Variants in GNAI2 observed in about 807,000 individuals in gnomAD.
GNAI2 encodes G protein subunit alpha i2.
In GNAI2, 4 loss-of-function variants were observed where a neutral mutation model predicts 36.8. That is an observed-to-expected ratio of 0.11 (90% CI 0.05 to 0.25). The LOEUF is 0.25. Among genes scored for constraint, GNAI2 ranks in the 10% least tolerant of loss-of-function variants. The probability of loss-of-function intolerance (pLI) is 1.00; values close to 1 mark genes in which losing one functional copy is unlikely to be tolerated. For missense variants in GNAI2, 230 were observed against 481.3 expected (o/e 0.48, Z 4.89); for synonymous variants, 194 against 194.1 (o/e 1.00, Z 0.01).
intron 1 of GNAI2, among the ~76,000 whole-genome samples, chr3:50,243,448 C>T (rs1700342015): frequency 1.3e-5 from 2 of 152,236 alleles, no homozygotes; most frequent in East Asian, 1.9e-4. Flanking sequence ...GCAACAGCCC[C>T]GAGATGAGCT....
rs782317566 is a variant in GNAI2, at chr3:50,241,787, G to T, written c.118+5334G>T. On this transcript the variant is annotated intron_variant, in intron 1 of 8. Coordinates refer to ENST00000313601, the MANE Select transcript of GNAI2 (RefSeq NM_002070.4). The surrounding 1 kb of genome is among the most constrained non-coding windows in gnomAD (Gnocchi z 5.0). ...TGTCAGAGCCTAGGCTGCTGGATGG[G>T]GCCTGGGGATGGTCCGGGACCCCTT... is the stretch of plus-strand genomic sequence containing the variant. Among the ~76,000 whole-genome samples the T allele has an allele frequency of 5.0e-4, 76 of 152,314 alleles. No homozygotes were observed. The Middle Eastern group carries it at 0.014, about 27-fold the overall frequency.
intron 5 of GNAI2, 92 bp downstream of exon 5, chr3:50,256,412 C>T: frequency 1.6e-6 from 2 of 1,250,710 alleles, no homozygotes; most frequent in Non-Finnish European, 2.3e-6. Flanking sequence ...CCCAGCCCCA[C>T]TGAGGTTTTA....
At chr3:50,257,172 G>A (rs1365138254) in intron 7 of GNAI2, 82 bp downstream of exon 7, 30 of 1,206,396 alleles carry the variant, frequency 2.5e-5, no homozygotes, top group Middle Eastern at 2.1e-4. Context: ...GCCCTCAGGC[G>A]CCCCCCACTG....
At chr3:50,232,052 C>T (rs144657277), upstream of GNAI2, among the ~76,000 whole-genome samples, 24 of 151,048 alleles carry the variant, frequency 1.6e-4, 1 homozygote, top group East Asian at 3.7e-3. Flanking sequence ...AAAAAAGGGC[C>T]GTGCACGGTG....
upstream of GNAI2, among the ~76,000 whole-genome samples, chr3:50,233,460 C>G (rs1224159929): frequency 1.3e-5 from 2 of 152,172 alleles, no homozygotes; most frequent in African/African-American, 4.8e-5. Context: ...GCTCTCAAGC[C>G]TGGGGCAGGG....
At position 50,252,678 on chromosome 3, in the gene GNAI2, ACTTGGTGAAAC is replaced by A. The variant is rs1279981017; in HGVS notation, c.303+142_303+152del. The A allele has an allele frequency of 1.0e-5, 7 of 688,142 alleles. No individual in the cohort carries two copies. In the Admixed American group the frequency reaches 1.9e-4, roughly 19 times the overall value. 42.6% of individuals were successfully genotyped at this position (688,142 alleles called of 1,614,324 possible). A position where few individuals can be genotyped will look rare whatever the true frequency, so the allele number is the denominator to read the frequency against. ...CCTGAGGTCAGGACCAGCCTGGCCA[ACTTGGTGAAAC>A]CGCGTCTCTACTAAAAATACAAAAA... On this transcript the variant is annotated intron_variant, in intron 3 of 8. Transcript: ENST00000313601. The surrounding 1 kb of genome is among the most constrained non-coding windows in gnomAD (Gnocchi z 4.1).
chr3:50,255,080 C>G lies in GNAI2; in HGVS notation c.465-1112C>G, dbSNP rs1553702980. On this transcript the variant is annotated intron_variant, in intron 4 of 8. Transcript: ENST00000313601. This position sits in a 1 kb window ranked among gnomAD's most constrained non-coding sequence, Gnocchi z 4.0. ...GGTCACAGCACATGCGTCATCCTTCCCCATGGCCCTTCCTGTTTTTCTGTT... is the reference window on the plus strand; with the variant it reads ...GGTCACAGCACATGCGTCATCCTTCGCCATGGCCCTTCCTGTTTTTCTGTT... Among the ~76,000 whole-genome samples the G allele has an allele frequency of 6.6e-6, 1 of 152,182 alleles. No homozygotes were observed. Among genetic ancestry groups the G allele is most frequent in the East Asian group, 1.9e-4 (1 of 5,192 alleles).
Position 50,236,259 on chromosome 3 carries a change from G to C in GNAI2, c.-77G>C. On this transcript the variant is annotated 5_prime_UTR_variant, in exon 1 of 9. Coordinates refer to ENST00000313601, the MANE Select transcript of GNAI2 (RefSeq NM_002070.4). The surrounding 1 kb of genome is among the most constrained non-coding windows in gnomAD (Gnocchi z 4.0). ...CCCGCAGAGGGCTGGTGGTGGGAGC[G>C]GAGTGGGTCGGGCGGGGCCGAGCCG... 8.2e-7 allele frequency: 1 copy of C among 1,215,806 alleles called. No homozygotes were observed. The highest frequency in any genetic ancestry group is 1.0e-6 in the Non-Finnish European group (1 of 976,908). The allele number at this position is 1,215,806 out of a possible 1,614,324, so 75.3% of individuals were successfully genotyped here.
At chr3:50,236,068 G>A (rs1700158315), upstream of GNAI2, 2 of 522,168 alleles carry the variant, frequency 3.8e-6, no homozygotes, top group African/African-American at 2.0e-5. This position sits in a 1 kb window ranked among gnomAD's most constrained non-coding sequence, Gnocchi z 4.0. Flanking sequence ...CCGCCCTCGA[G>A]CCAATCAACA....
At position 50,255,256 on chromosome 3, in the gene GNAI2, T is replaced by C. The variant is rs1700661825; in HGVS notation, c.465-936T>C. On this transcript the variant is annotated intron_variant, in intron 4 of 8. Coordinates refer to ENST00000313601, the MANE Select transcript of GNAI2 (RefSeq NM_002070.4). The surrounding 1 kb of genome is among the most constrained non-coding windows in gnomAD (Gnocchi z 4.0). ...AGGCCTGGGACCAGCCTCCAGGGCA[T>C]GGCAGGGATATTGAGGCAGGCAGCA... Among the ~76,000 whole-genome samples the C allele has an allele frequency of 1.3e-5, 2 of 152,176 alleles. No individual in the cohort carries two copies. Among genetic ancestry groups the C allele is most frequent in the Admixed American group, 1.3e-4 (2 of 15,286 alleles).
In GNAI2 at chr3:50,242,854, G is replaced by C. The variant is rs2109192167; in HGVS notation, c.118+6401G>C. Among the ~76,000 whole-genome samples the C allele has an allele frequency of 6.6e-6, 1 of 152,318 alleles. No homozygotes were observed. Among genetic ancestry groups the C allele is most frequent in the Middle Eastern group, 3.4e-3 (1 of 294 alleles). On this transcript the variant is annotated intron_variant, in intron 1 of 8. Transcript: ENST00000313601. This position sits in a 1 kb window ranked among gnomAD's most constrained non-coding sequence, Gnocchi z 4.8. Reference sequence around the variant, plus strand: ...CTTGGAGGAATCTGGGGGCTCCAAGGCTGCTGACAGCCTCAGGATATGCAA... The same window carrying C: ...CTTGGAGGAATCTGGGGGCTCCAAGCCTGCTGACAGCCTCAGGATATGCAA...
upstream of GNAI2, among the ~76,000 whole-genome samples, chr3:50,235,523 T>C (rs2109178073): frequency 6.6e-6 from 1 of 152,284 alleles, no homozygotes; most frequent in South Asian, 2.1e-4. Flanking sequence ...TTTCACCATG[T>C]TGGCCAGGCT....
intron 1 of GNAI2, among the ~76,000 whole-genome samples, chr3:50,244,178 G>T (rs1553701459): frequency 6.6e-6 from 1 of 151,964 alleles, no homozygotes; most frequent in African/African-American, 2.4e-5. Flanking sequence ...ACAGGTACGT[G>T]CCACCACGCC....
upstream of GNAI2, among the ~76,000 whole-genome samples, chr3:50,228,128 A>G (rs189373414): frequency 6.6e-6 from 1 of 152,288 alleles, no homozygotes; most frequent in Non-Finnish European, 1.5e-5. Context: ...CTCCCCGGAG[A>G]CGGGACAGCC....
In GNAI2 at chr3:50,255,253, G is replaced by T. The variant is rs1189797437; in HGVS notation, c.465-939G>T. ...TGGAGGCCTGGGACCAGCCTCCAGGGCATGGCAGGGATATTGAGGCAGGCA... is the reference window on the plus strand; with the variant it reads ...TGGAGGCCTGGGACCAGCCTCCAGGTCATGGCAGGGATATTGAGGCAGGCA... On this transcript the variant is annotated intron_variant, in intron 4 of 8. Transcript: ENST00000313601. This position sits in a 1 kb window ranked among gnomAD's most constrained non-coding sequence, Gnocchi z 4.0. Among the ~76,000 whole-genome samples, 2 of 152,320 alleles carry T rather than the reference G, an allele frequency of 1.3e-5. No homozygotes were observed. The highest frequency in any genetic ancestry group is 3.9e-4 in the East Asian group (2 of 5,180).
At chr3:50,236,128 C>T (rs41315888), upstream of GNAI2, 485 of 1,090,452 alleles carry the variant, frequency 4.4e-4, 1 homozygote, top group Non-Finnish European at 5.4e-4. The surrounding 1 kb of genome is among the most constrained non-coding windows in gnomAD (Gnocchi z 4.0). Context: ...GGCCCAGTCA[C>T]AGGCTTGGTT....
At chr3:50,228,852 C>T (rs907601192), upstream of GNAI2, among the ~76,000 whole-genome samples, 17 of 152,190 alleles carry the variant, frequency 1.1e-4, no homozygotes, top group Non-Finnish European at 2.2e-4. Context: ...TGGCCTTGAT[C>T]GCAGTATTTG....
chr3:50,251,197 A>G (rs1180135965), intron 1 of GNAI2: 1 of 194,884 alleles, frequency 5.1e-6, no homozygotes, highest in Non-Finnish European at 9.3e-6. Context: ...ACCAGGCATC[A>G]TGGGTTCCCT....
intron 1 of GNAI2, among the ~76,000 whole-genome samples, chr3:50,239,465 C>T (rs1046838214): frequency 6.6e-6 from 1 of 152,232 alleles, no homozygotes; most frequent in Non-Finnish European, 1.5e-5. Flanking sequence ...CAGGGCAGGG[C>T]TAAGTCCTCT....
Sources: allele counts gnomAD v4.1 joint callset (sites outside exome capture counted in the v4.1 genomes callset), GRCh38; gene constraint gnomAD v4.1.1; non-coding constraint Gnocchi (gnomAD v3.1); transcripts MANE v1.5; gene names NCBI Gene and HGNC (gene_info 2026-07-23, HGNC 2026-07-21).